ANKFN1: variants seen among roughly 807,000 people sequenced by gnomAD.
ANKFN1 encodes the protein ankyrin repeat and fibronectin type III domain containing 1.
ANKFN1 carries 74 observed loss-of-function variants against 108.7 expected under a neutral mutation model. The observed-to-expected ratio is 0.68, with a 90% confidence interval of 0.56 to 0.83. ANKFN1 has a LOEUF of 0.83. Among genes scored for constraint, ANKFN1 ranks in the 40% least tolerant of loss-of-function variants. ANKFN1 has a pLI of 0.00. For synonymous variants in ANKFN1, 547 were observed against 516.2 expected (o/e 1.06, Z -0.81); for missense variants, 1,505 against 1,382.3 (o/e 1.09, Z -1.41).
At chr17:56,117,204 A>T (rs1157716128) in intron 4 of ANKFN1, among the ~76,000 whole-genome samples, 1 of 152,140 alleles carries the variant, frequency 6.6e-6, no homozygotes, top group Non-Finnish European at 1.5e-5. Context: ...ATGTCCCCAG[A>T]GCCTGAAGTG....
chr17:56,322,555 A>G (rs549358219), intron 3 of ANKFN1, among the ~76,000 whole-genome samples: 31 of 152,264 alleles, frequency 2.0e-4, no homozygotes, highest in African/African-American at 6.5e-4. Context: ...TTTGAGACCA[A>G]TTCCATCAGC....
intron 4 of ANKFN1, among the ~76,000 whole-genome samples, chr17:56,052,697 T>C (rs562401477): frequency 6.6e-6 from 1 of 152,260 alleles, no homozygotes; most frequent in Admixed American, 6.6e-5. Flanking sequence ...GGCCATGCTT[T>C]AAGTGTTCTA....
At chr17:56,163,949 T>A (rs952134038) in intron 1 of ANKFN1, among the ~76,000 whole-genome samples, 2 of 152,228 alleles carry the variant, frequency 1.3e-5, no homozygotes, top group African/African-American at 4.8e-5. Flanking sequence ...TTGTGTGGTG[T>A]GTGTATTTTG....
chr17:56,258,512 T>C (rs2043416378), intron 3 of ANKFN1, among the ~76,000 whole-genome samples: 1 of 152,162 alleles, frequency 6.6e-6, no homozygotes, highest in Non-Finnish European at 1.5e-5. Context: ...TGGAGCCTGT[T>C]TACCACTGGG....
intron 4 of ANKFN1, among the ~76,000 whole-genome samples, chr17:56,114,487 C>G (rs1208105072): frequency 6.6e-6 from 1 of 152,162 alleles, no homozygotes; most frequent in Non-Finnish European, 1.5e-5. Context: ...TTGTCATCAT[C>G]CAGATTGGCA....
At chr17:56,227,382 C>T (rs1221836384) in intron 2 of ANKFN1, among the ~76,000 whole-genome samples, 2 of 152,098 alleles carry the variant, frequency 1.3e-5, no homozygotes, top group Admixed American at 1.3e-4. Context: ...GTTTCAATCC[C>T]CCTCCTCGCA....
In ANKFN1 at chr17:56,516,989, T is replaced by C. The variant is rs182341232; in HGVS notation, c.*5720T>C. On this transcript the variant is annotated 3_prime_UTR_variant, in exon 21 of 21. Coordinates refer to ENST00000682825, the MANE Select transcript of ANKFN1 (RefSeq NM_001370326.1). ...TGTCTTAAGTGTGGAAAAATGTTGA[T>C]TCAATAATAAACAAATAGAATTCTT... 2.2e-3 allele frequency among the ~76,000 whole-genome samples: 333 copies of C among 152,172 alleles called. No individual in the cohort carries two copies. Among genetic ancestry groups the C allele is most frequent in the Non-Finnish European group, 2.3e-3 (157 of 68,016 alleles).
At chr17:56,096,824 G>T (rs1465554897) in intron 4 of ANKFN1, among the ~76,000 whole-genome samples, 1 of 152,156 alleles carries the variant, frequency 6.6e-6, no homozygotes, top group Non-Finnish European at 1.5e-5. Context: ...TGTGTTTATT[G>T]CAGCAATATT....
chr17:56,395,642 A>G (rs1042532640), intron 8 of ANKFN1, among the ~76,000 whole-genome samples: 1 of 152,170 alleles, frequency 6.6e-6, no homozygotes, highest in East Asian at 1.9e-4. Context: ...TGAGGTCAAG[A>G]GTTCGAGACC....
intron 3 of ANKFN1, among the ~76,000 whole-genome samples, chr17:56,229,206 T>C (rs1482523079): frequency 2.6e-5 from 4 of 152,162 alleles, no homozygotes; most frequent in Non-Finnish European, 4.4e-5. Context: ...CTCTGTATTA[T>C]CTTGCTTTAG....
At chr17:56,306,869 C>T (rs1489136356) in intron 3 of ANKFN1, among the ~76,000 whole-genome samples, 3 of 152,080 alleles carry the variant, frequency 2.0e-5, no homozygotes, top group African/African-American at 7.2e-5. Context: ...GGTACTGGTA[C>T]CAAAACAGAG....
chr17:56,122,115 C>T (rs924687547), intron 4 of ANKFN1, among the ~76,000 whole-genome samples: 1 of 152,164 alleles, frequency 6.6e-6, no homozygotes, highest in African/African-American at 2.4e-5. Context: ...TAGAATTGGA[C>T]AGTCTGAGTA....
rs7503681 is a variant in ANKFN1, at chr17:56,222,075, G to T, written c.13-5842G>T. Among the ~76,000 whole-genome samples the T allele has an allele frequency of 2.2e-4, 34 of 152,362 alleles. 1 individual carries two copies. The East Asian group carries it at 4.8e-3, about 22-fold the overall frequency. On this transcript the variant is annotated intron_variant, in intron 2 of 20. Coordinates refer to ENST00000682825, the MANE Select transcript of ANKFN1 (RefSeq NM_001370326.1). Reference sequence around the variant, plus strand: ...TCAGGTGATCTGTGGACACATTCAAGTATAAGGAGCACTGGCCTCAGTGGC... The same window carrying T: ...TCAGGTGATCTGTGGACACATTCAATTATAAGGAGCACTGGCCTCAGTGGC...
At chr17:56,306,320 AT>A (rs566123359) in intron 3 of ANKFN1, among the ~76,000 whole-genome samples, 118 of 152,174 alleles carry the variant, frequency 7.8e-4, no homozygotes, top group Admixed American at 1.8e-3. Context: ...TAAGATCTTG[AT>A]TTTTTTCCAC....
chr17:56,478,840 G>T (rs2050601289), intron 16 of ANKFN1, among the ~76,000 whole-genome samples: 1 of 152,106 alleles, frequency 6.6e-6, no homozygotes, highest in Non-Finnish European at 1.5e-5. Context: ...CTTAGCCAAA[G>T]GAGACTCTAA....
intron 8 of ANKFN1, among the ~76,000 whole-genome samples, chr17:56,385,122 A>C (rs1057299095): frequency 2.0e-5 from 3 of 151,430 alleles, no homozygotes; most frequent in Non-Finnish European, 3.0e-5. Flanking sequence ...CAAAACAGAG[A>C]TATAGATCAA....
At chr17:56,208,304 A>T (rs1193923675) in intron 1 of ANKFN1, among the ~76,000 whole-genome samples, 3 of 152,212 alleles carry the variant, frequency 2.0e-5, no homozygotes, top group Non-Finnish European at 4.4e-5. Flanking sequence ...TACAGGCATC[A>T]GCCACCATAC....
At chr17:56,476,132 G>A (rs1489368890) in intron 15 of ANKFN1, among the ~76,000 whole-genome samples, 1 of 152,244 alleles carries the variant, frequency 6.6e-6, no homozygotes, top group South Asian at 2.1e-4. Context: ...CCACACCCAT[G>A]ACCCAGTTAC....
intron 4 of ANKFN1, among the ~76,000 whole-genome samples, chr17:56,334,765 T>A (rs1302851881): frequency 6.6e-6 from 1 of 152,200 alleles, no homozygotes; most frequent in Non-Finnish European, 1.5e-5. Context: ...AGAGCCATAC[T>A]TTTAATACTG....
Sources: allele counts gnomAD v4.1 joint callset (sites outside exome capture counted in the v4.1 genomes callset), GRCh38; gene constraint gnomAD v4.1.1; transcripts MANE v1.5; gene names NCBI Gene and HGNC (gene_info 2026-07-23, HGNC 2026-07-21).